The following PRTFDC1 variants were observed in gnomAD, a reference collection of about 807,000 sequenced individuals.
PRTFDC1 encodes the protein phosphoribosyl transferase domain containing 1.
A neutral mutation model predicts 34.6 loss-of-function variants in PRTFDC1; 38 were observed. The observed-to-expected ratio is 1.10, with a 90% confidence interval of 0.85 to 1.44. PRTFDC1 has a LOEUF of 1.44. Ranked by LOEUF, PRTFDC1 falls within the 40% of genes most tolerant of loss-of-function variation. The pLI is 0.00. For synonymous variants in PRTFDC1, 93 were observed against 98.1 expected (o/e 0.95, Z 0.31); for missense variants, 270 against 283.0 (o/e 0.95, Z 0.33).
chr10:24,886,864 C>CCA (rs1848175566), intron 3 of PRTFDC1, among the ~76,000 whole-genome samples: 1 of 152,030 alleles, frequency 6.6e-6, no homozygotes, highest in Non-Finnish European at 1.5e-5. Flanking sequence ...GGTCTATGTT[C>CCA]CACACACATC....
chr10:24,933,472 G>A (rs961462958), intron 3 of PRTFDC1, among the ~76,000 whole-genome samples: 1 of 151,996 alleles, frequency 6.6e-6, no homozygotes, highest in African/African-American at 2.4e-5. Context: ...TATATGAATA[G>A]CAAACCAGCA....
At chr10:24,914,667 A>G (rs1848669426) in intron 3 of PRTFDC1, among the ~76,000 whole-genome samples, 1 of 152,224 alleles carries the variant, frequency 6.6e-6, no homozygotes, top group Non-Finnish European at 1.5e-5. Context: ...TATCAAGAAA[A>G]TAAGGCCTTG....
At chr10:24,866,443 C>A (rs967737728) in intron 4 of PRTFDC1, among the ~76,000 whole-genome samples, 1 of 151,632 alleles carries the variant, frequency 6.6e-6, no homozygotes, top group Non-Finnish European at 1.5e-5. Flanking sequence ...TGGGCTTAAC[C>A]TGCACATCTG....
chr10:24,948,412 C>T (rs1849286543), intron 1 of PRTFDC1, among the ~76,000 whole-genome samples: 1 of 152,176 alleles, frequency 6.6e-6, no homozygotes, highest in Non-Finnish European at 1.5e-5. Context: ...ACTGTATTAG[C>T]TCCAGATCAA....
At chr10:24,880,066 A>G (rs1035889457) in intron 3 of PRTFDC1, among the ~76,000 whole-genome samples, 1 of 152,158 alleles carries the variant, frequency 6.6e-6, no homozygotes, top group African/African-American at 2.4e-5. Flanking sequence ...CTAACCTTTC[A>G]GCGCTTCAGT....
At chr10:24,885,433 T>G (rs1413646915) in intron 3 of PRTFDC1, among the ~76,000 whole-genome samples, 1 of 152,172 alleles carries the variant, frequency 6.6e-6, no homozygotes, top group Non-Finnish European at 1.5e-5. Context: ...TGAGGCAGAG[T>G]CTTGCTCTGT....
At chr10:24,896,901 C>G (rs939603140) in intron 3 of PRTFDC1, among the ~76,000 whole-genome samples, 2 of 152,192 alleles carry the variant, frequency 1.3e-5, no homozygotes, top group African/African-American at 4.8e-5. Flanking sequence ...ATAGCAAGAC[C>G]CTGTTTCTAC....
At chr10:24,927,531 A>T (rs1236631600) in intron 3 of PRTFDC1, among the ~76,000 whole-genome samples, 1 of 152,124 alleles carries the variant, frequency 6.6e-6, no homozygotes, top group East Asian at 1.9e-4. Context: ...GCTTCAAAGG[A>T]AATACCCAAC....
At chr10:24,904,151 G>T (rs969842420) in intron 3 of PRTFDC1, among the ~76,000 whole-genome samples, 1 of 152,132 alleles carries the variant, frequency 6.6e-6, no homozygotes, top group South Asian at 2.1e-4. Flanking sequence ...AACAGAGGTA[G>T]CTTGTGTGGA....
At chr10:24,852,486 G>C (rs1405453651) in intron 7 of PRTFDC1, among the ~76,000 whole-genome samples, 1 of 152,168 alleles carries the variant, frequency 6.6e-6, no homozygotes, top group East Asian at 1.9e-4. Flanking sequence ...CTGTTGTCCA[G>C]GCGTGTGATC....
At chr10:24,900,642 G>A (rs749638266) in intron 3 of PRTFDC1, among the ~76,000 whole-genome samples, 8 of 152,138 alleles carry the variant, frequency 5.3e-5, no homozygotes, top group Non-Finnish European at 1.0e-4. Flanking sequence ...TCTCATCAAA[G>A]TGATTCACTG....
chr10:24,908,669 T>C, intron 3 of PRTFDC1: 8 of 1,607,728 alleles, frequency 5.0e-6, no homozygotes, highest in Non-Finnish European at 6.8e-6. Context: ...GGTTGTCCTC[T>C]TCAACCGAGC....
chr10:24,925,384 A>G (rs2132589840), intron 3 of PRTFDC1, among the ~76,000 whole-genome samples: 1 of 152,284 alleles, frequency 6.6e-6, no homozygotes, highest in Admixed American at 6.5e-5. Context: ...TGTCGAGTCA[A>G]TGGGTGCAGC....
intron 3 of PRTFDC1, among the ~76,000 whole-genome samples, chr10:24,886,525 A>G (rs1259069831): frequency 6.6e-6 from 1 of 152,034 alleles, no homozygotes; most frequent in Non-Finnish European, 1.5e-5. Context: ...TGTGACCTGC[A>G]CTCTAGTGTG....
At chr10:24,897,177 T>C (rs1221787703) in intron 3 of PRTFDC1, among the ~76,000 whole-genome samples, 1 of 152,056 alleles carries the variant, frequency 6.6e-6, no homozygotes, top group Non-Finnish European at 1.5e-5. Context: ...GCCACTATAC[T>C]CCAGCCTGAC....
intron 3 of PRTFDC1, among the ~76,000 whole-genome samples, chr10:24,895,066 T>C (rs959617278): frequency 7.9e-5 from 12 of 152,038 alleles, no homozygotes; most frequent in Non-Finnish European, 1.6e-4. Context: ...CCAGTCAATG[T>C]CTCCTAAGAT....
At chr10:24,942,991 C>G (rs111412309) in intron 1 of PRTFDC1, among the ~76,000 whole-genome samples, 2 of 151,334 alleles carry the variant, frequency 1.3e-5, no homozygotes, top group African/African-American at 4.8e-5. Context: ...ATAGCTAACC[C>G]GATAGCATTA....
chr10:24,938,798 A>C (rs1160083184), intron 2 of PRTFDC1, among the ~76,000 whole-genome samples: 1 of 152,228 alleles, frequency 6.6e-6, no homozygotes, highest in Non-Finnish European at 1.5e-5. Context: ...GGCTGTGTAC[A>C]TGTGCAGAGA....
At chr10:24,915,339 TGCTTCCAAATAAATAACAGCTCCAAAAG>T (rs1328573306) in intron 3 of PRTFDC1, among the ~76,000 whole-genome samples, 13 of 152,336 alleles carry the variant, frequency 8.5e-5, no homozygotes, top group African/African-American at 3.1e-4. Context: ...TCCTTTAATG[TGCTTCCAAATAAATAACAGCTCCAAAAG>T]GCATAACTGC....
Sources: allele counts gnomAD v4.1 joint callset (sites outside exome capture counted in the v4.1 genomes callset), GRCh38; gene constraint gnomAD v4.1.1; transcripts MANE v1.5; gene names NCBI Gene and HGNC (gene_info 2026-07-23, HGNC 2026-07-21).